Variants in WDR44 observed in about 807,000 individuals in gnomAD.
The protein encoded by WDR44 is WD repeat-containing protein 44.
Under a neutral mutation model 65.7 loss-of-function variants are expected in WDR44, and 9 were observed. The ratio of observed to expected loss-of-function variants is 0.14; its 90% CI spans 0.08 to 0.24. WDR44 has a LOEUF of 0.24. WDR44 is among the 10% of genes least tolerant of loss of function. The pLI, the probability that WDR44 is intolerant of heterozygous loss-of-function variation, is 1.00. For missense variants in WDR44, 425 were observed against 670.9 expected (o/e 0.63, Z 4.05); for synonymous variants, 220 against 235.2 (o/e 0.94, Z 0.59).
chrX:118,375,930 T>C lies in WDR44; in HGVS notation c.78-2489T>C, dbSNP rs1602886907. ...TGGTACATAGTAGGTAATTCATAAA[T>C]GTCAGCTTTGGGTGTCTGGTTTTAT... On this transcript the variant is annotated intron_variant, in intron 1 of 19. Coordinates refer to ENST00000254029, the MANE Select transcript of WDR44 (RefSeq NM_019045.5). 2.7e-5 allele frequency among the ~76,000 whole-genome samples: 3 copies of C among 112,310 alleles called. No homozygotes were observed. The South Asian group carries it at 1.1e-3, about 41-fold the overall frequency.
chrX:118,410,267 A>G (rs5956975), intron 11 of WDR44, among the ~76,000 whole-genome samples: 29,323 of 110,468 alleles, frequency 0.27, 3,196 homozygotes, highest in African/African-American at 0.39. Context: ...AAAGCATAGG[A>G]GAAAGGAGAA....
chrX:118,424,281 A>ATATATG (rs760975610), intron 12 of WDR44, among the ~76,000 whole-genome samples: 6,657 of 92,585 alleles, frequency 0.072, 247 homozygotes, highest in East Asian at 0.11. Flanking sequence ...ATATATATAT[A>ATATATG]TGTGTGTGTG....
At chrX:118,399,063 T>A (rs765506822) in intron 8 of WDR44, among the ~76,000 whole-genome samples, 1 of 112,218 alleles carries the variant, frequency 8.9e-6, no homozygotes, top group Non-Finnish European at 1.9e-5. Flanking sequence ...CCTTTCTCTT[T>A]ATCTCTGCAA....
At chrX:118,378,601 G>C in intron 2 of WDR44, 149 bp downstream of exon 2, 2 of 441,893 alleles carry the variant, frequency 4.5e-6, no homozygotes, top group Non-Finnish European at 7.6e-6. Context: ...GGTATACATA[G>C]GTACTCTAGA....
chrX:118,390,067 ATATTTATTTATT>A lies in WDR44; in HGVS notation c.187-2551_187-2540del, dbSNP rs3048527. ...CACCACCACGCCAGGCTAATTTTTTATATTTATTTATTTATTTATTTATTTTGTATTTTTAGT... is the reference window on the plus strand; with the variant it reads ...CACCACCACGCCAGGCTAATTTTTTATATTTATTTATTTTGTATTTTTAGT... On this transcript the variant is annotated intron_variant, in intron 3 of 19. Coordinates refer to ENST00000254029, the MANE Select transcript of WDR44 (RefSeq NM_019045.5). Among the ~76,000 whole-genome samples, 27 of 105,333 alleles carry A rather than the reference ATATTTATTTATT, an allele frequency of 2.6e-4. No homozygotes were observed. The South Asian group carries it at 6.6e-3, about 26-fold the overall frequency. The allele number at this position is 105,333 out of a possible 115,157, so 91.5% of individuals were successfully genotyped here. A position where few individuals can be genotyped will look rare whatever the true frequency, so the allele number is the denominator to read the frequency against.
chrX:118,409,899 T>G (rs928717544), intron 11 of WDR44, among the ~76,000 whole-genome samples: 5 of 112,250 alleles, frequency 4.5e-5, no homozygotes, highest in Admixed American at 3.8e-4. Context: ...TCTGGCAACC[T>G]TCAGTTCTAT....
At chrX:118,347,655 C>T (rs1267744296) in intron 1 of WDR44, among the ~76,000 whole-genome samples, 2 of 112,451 alleles carry the variant, frequency 1.8e-5, no homozygotes, top group Non-Finnish European at 3.8e-5. Flanking sequence ...TAATAACCCG[C>T]TGTGATGCAA....
At chrX:118,368,303 T>C (rs189907910) in intron 1 of WDR44, among the ~76,000 whole-genome samples, 28 of 109,373 alleles carry the variant, frequency 2.6e-4, no homozygotes, top group Admixed American at 3.0e-4. Context: ...GCTCCTATCA[T>C]TGGGAGTAAT....
chrX:118,429,883 TC>T (rs1245864096), intron 12 of WDR44, among the ~76,000 whole-genome samples: 1 of 110,396 alleles, frequency 9.1e-6, no homozygotes, highest in African/African-American at 3.3e-5. Flanking sequence ...CCTCAGGTGA[TC>T]CGGCTGCCTC....
intron 10 of WDR44, among the ~76,000 whole-genome samples, chrX:118,408,019 C>T (rs1231685981): frequency 9.0e-6 from 1 of 111,716 alleles, no homozygotes; most frequent in Admixed American, 9.6e-5. Flanking sequence ...TAGTATTTTC[C>T]TTAAGGAAAT....
At chrX:118,423,497 G>A (rs763205532) in intron 12 of WDR44, among the ~76,000 whole-genome samples, 5 of 111,893 alleles carry the variant, frequency 4.5e-5, no homozygotes, top group Admixed American at 1.9e-4. Flanking sequence ...CCACTTTATT[G>A]AGGTATGATT....
chrX:118,431,198 G>A (rs73601112), intron 12 of WDR44, among the ~76,000 whole-genome samples: 2,519 of 111,827 alleles, frequency 0.023, 73 homozygotes, highest in African/African-American at 0.077. Flanking sequence ...CTGAAGCACC[G>A]GTAAGATGGT....
intron 14 of WDR44, among the ~76,000 whole-genome samples, chrX:118,440,835 A>G (rs2057298374): frequency 9.1e-6 from 1 of 110,410 alleles, no homozygotes; most frequent in African/African-American, 3.3e-5. Context: ...GTTTAAGGAT[A>G]TGATAATTAG....
intron 1 of WDR44, among the ~76,000 whole-genome samples, chrX:118,375,240 G>C (rs749808276): frequency 2.7e-5 from 3 of 110,882 alleles, no homozygotes; most frequent in South Asian, 3.8e-4. Context: ...ATCTCAAGGT[G>C]TGAGGGTTGC....
chrX:118,429,588 CAAA>C (rs200067120), intron 12 of WDR44, among the ~76,000 whole-genome samples: 1 of 68,787 alleles, frequency 1.5e-5, no homozygotes, highest in Non-Finnish European at 3.1e-5. Context: ...GACTCAGTCT[CAAA>C]AAAAAAAAAA....
chrX:118,400,775 C>T (rs1446136452), intron 8 of WDR44, among the ~76,000 whole-genome samples: 4 of 106,073 alleles, frequency 3.8e-5, no homozygotes, highest in East Asian at 3.0e-4. Flanking sequence ...CCCACTAACT[C>T]GTCATCTAGC....
intron 1 of WDR44, among the ~76,000 whole-genome samples, chrX:118,376,682 T>C (rs760473666): frequency 3.7e-5 from 4 of 109,465 alleles, no homozygotes; most frequent in African/African-American, 1.3e-4. Flanking sequence ...GGGGAAAGGG[T>C]GAAATGGTGA....
At chrX:118,423,761 C>T (rs1053078172) in intron 12 of WDR44, among the ~76,000 whole-genome samples, 1 of 111,826 alleles carries the variant, frequency 8.9e-6, no homozygotes, top group Non-Finnish European at 1.9e-5. Flanking sequence ...CCACCTGTTT[C>T]GCCAGCCCCA....
At chrX:118,357,433 T>C (rs2056470714) in intron 1 of WDR44, among the ~76,000 whole-genome samples, 1 of 111,912 alleles carries the variant, frequency 8.9e-6, no homozygotes, top group South Asian at 3.7e-4. Context: ...TCTTTGGTGA[T>C]GAGCAGTGAA....
Sources: gnomAD v4.1 joint callset for allele counts (sites outside exome capture counted in the v4.1 genomes callset) on GRCh38, gnomAD v4.1.1 for gene constraint, MANE v1.5 for transcripts, NCBI Gene and HGNC (gene_info 2026-07-23, HGNC 2026-07-21) for gene names.